BRINP3: variants seen among roughly 807,000 people sequenced by gnomAD.
The protein encoded by BRINP3 is BMP/retinoic acid-inducible neural-specific protein 3.
Under a neutral mutation model 71.0 loss-of-function variants are expected in BRINP3, and 19 were observed. The ratio of observed to expected loss-of-function variants is 0.27; its 90% confidence interval spans 0.19 to 0.39. The LOEUF (loss-of-function observed/expected upper bound fraction) is 0.39. Among genes scored for constraint, BRINP3 ranks in the 10% least tolerant of loss-of-function variants. The probability of loss-of-function intolerance (pLI) is 1.00; values close to 1 mark genes in which losing one functional copy is unlikely to be tolerated. For synonymous variants in BRINP3, 380 were observed against 337.7 expected, an observed-to-expected ratio of 1.13 and a Z score of -1.37; for missense variants, 959 against 940.8, an observed-to-expected ratio of 1.02 and a Z score of -0.25.
At chr1:190,447,297 T>C (rs925048616) in intron 2 of BRINP3, among the ~76,000 whole-genome samples, 5 of 86,710 alleles carry the variant, frequency 5.8e-5, no homozygotes, top group African/African-American at 1.7e-4. Flanking sequence ...TAGTGTAAAA[T>C]AGTATATATA....
At chr1:190,270,108 A>C (rs1270615108) in intron 3 of BRINP3, among the ~76,000 whole-genome samples, 13 of 151,966 alleles carry the variant, frequency 8.6e-5, no homozygotes, top group Admixed American at 8.5e-4. Context: ...TTATAAGAAA[A>C]GGGTAGATAC....
At chr1:190,474,982 T>C (rs990295976) in intron 1 of BRINP3, among the ~76,000 whole-genome samples, 6 of 151,832 alleles carry the variant, frequency 4.0e-5, no homozygotes, top group Non-Finnish European at 8.8e-5. Context: ...AAAGTGGGTA[T>C]AATATAAGCT....
chr1:190,197,222 C>T (rs148163193), intron 6 of BRINP3, among the ~76,000 whole-genome samples: 71 of 152,112 alleles, frequency 4.7e-4, no homozygotes, highest in African/African-American at 1.7e-3. Context: ...TGGGTCCCTC[C>T]CATGACATGT....
At chr1:190,178,795 T>C (rs1652783352) in intron 6 of BRINP3, among the ~76,000 whole-genome samples, 1 of 151,958 alleles carries the variant, frequency 6.6e-6, no homozygotes, top group African/African-American at 2.4e-5. Context: ...ATTGGGTGAG[T>C]TAAATGATAA....
At chr1:190,445,427 A>T (rs981991772) in intron 2 of BRINP3, among the ~76,000 whole-genome samples, 1 of 152,192 alleles carries the variant, frequency 6.6e-6, no homozygotes, top group Non-Finnish European at 1.5e-5. Flanking sequence ...TTTTATTTTT[A>T]TATAAAAGCA....
chr1:190,278,329 A>G (rs1197438363), intron 3 of BRINP3, among the ~76,000 whole-genome samples: 2 of 151,582 alleles, frequency 1.3e-5, no homozygotes, highest in East Asian at 3.9e-4. Flanking sequence ...TAATTAAGAG[A>G]AAGAAGTGGA....
At position 190,307,267 on chromosome 1, in the gene BRINP3, T is replaced by TG. The variant is rs1208107071; in HGVS notation, c.237-25518_237-25517insC. ...CCTCATTTAAAACATTGTTTTTTTTTTTTTTTTTTTTTTTTTTTTGAGACA... is the reference window on the plus strand; with the variant it reads ...CCTCATTTAAAACATTGTTTTTTTTTGTTTTTTTTTTTTTTTTTTTGAGACA... On this transcript the variant is annotated intron_variant, in intron 2 of 7. Coordinates refer to ENST00000367462, the MANE Select transcript of BRINP3 (RefSeq NM_199051.3). Among the ~76,000 whole-genome samples the TG allele has an allele frequency of 1.8e-4, 22 of 122,216 alleles. No individual in the cohort carries two copies. In the East Asian group the frequency reaches 2.6e-3, roughly 14 times the overall value. 80.2% of individuals were successfully genotyped at this position (122,216 alleles called of 152,430 possible). A position where few individuals can be genotyped will look rare whatever the true frequency, so the allele number is the denominator to read the frequency against.
chr1:190,410,173 G>C (rs914318101), intron 2 of BRINP3, among the ~76,000 whole-genome samples: 2 of 151,996 alleles, frequency 1.3e-5, no homozygotes, highest in Non-Finnish European at 2.9e-5. Flanking sequence ...GGTTACTAGT[G>C]GGGGAAATGG....
chr1:190,115,696 G>A (rs2102298481), intron 7 of BRINP3, among the ~76,000 whole-genome samples: 1 of 152,208 alleles, frequency 6.6e-6, no homozygotes, highest in Middle Eastern at 3.4e-3. Flanking sequence ...ATATGGAGAA[G>A]TTCTAAAACT....
intron 2 of BRINP3, among the ~76,000 whole-genome samples, chr1:190,430,266 G>A (rs918753951): frequency 5.3e-5 from 8 of 152,200 alleles, no homozygotes; most frequent in Non-Finnish European, 7.3e-5. Flanking sequence ...AAATTTGAGA[G>A]GGAGAGGGAG....
At chr1:190,148,894 T>TA (rs773976357) in intron 7 of BRINP3, among the ~76,000 whole-genome samples, 10 of 152,152 alleles carry the variant, frequency 6.6e-5, no homozygotes, top group Non-Finnish European at 1.5e-4. Context: ...ACACCTTCTT[T>TA]AACAAACATG....
At chr1:190,293,837 C>T (rs971144764) in intron 2 of BRINP3, among the ~76,000 whole-genome samples, 5 of 152,082 alleles carry the variant, frequency 3.3e-5, no homozygotes, top group African/African-American at 9.7e-5. Flanking sequence ...AGCATAGCTA[C>T]TCCTGCTCTT....
At chr1:190,260,174 A>T (rs1661059718) in intron 4 of BRINP3, among the ~76,000 whole-genome samples, 1 of 152,130 alleles carries the variant, frequency 6.6e-6, no homozygotes, top group African/African-American at 2.4e-5. Context: ...TATTAGGTCA[A>T]TGAGCACAAA....
At chr1:190,441,191 A>T (rs2102557278) in intron 2 of BRINP3, among the ~76,000 whole-genome samples, 1 of 152,076 alleles carries the variant, frequency 6.6e-6, no homozygotes, top group Non-Finnish European at 1.5e-5. Context: ...CTGTATCTGA[A>T]GCCCCTGAAG....
At chr1:190,126,805 C>T (rs922219665) in intron 7 of BRINP3, among the ~76,000 whole-genome samples, 3 of 151,768 alleles carry the variant, frequency 2.0e-5, no homozygotes, top group South Asian at 2.1e-4. Context: ...TGTTGATTGT[C>T]GATTGTTTTC....
At chr1:190,176,615 A>G (rs1571914608) in intron 6 of BRINP3, among the ~76,000 whole-genome samples, 1 of 152,154 alleles carries the variant, frequency 6.6e-6, no homozygotes, top group South Asian at 2.1e-4. Context: ...GCCCTTTACT[A>G]ATAACCCCAC....
chr1:190,299,754 A>C (rs1664533475), intron 2 of BRINP3, among the ~76,000 whole-genome samples: 1 of 151,922 alleles, frequency 6.6e-6, no homozygotes, highest in Non-Finnish European at 1.5e-5. Context: ...TGGTGGTGAC[A>C]AATTCTCTCA....
At chr1:190,237,323 G>A (rs1658618222) in intron 4 of BRINP3, among the ~76,000 whole-genome samples, 1 of 151,084 alleles carries the variant, frequency 6.6e-6, no homozygotes, top group South Asian at 2.1e-4. Context: ...TTCCATTTAA[G>A]GCCTCCATAT....
intron 4 of BRINP3, among the ~76,000 whole-genome samples, chr1:190,257,068 A>C (rs1660728471): frequency 6.6e-6 from 1 of 152,212 alleles, no homozygotes; most frequent in Non-Finnish European, 1.5e-5. Flanking sequence ...CCTGGATGAT[A>C]TCCTGAAGAG....
Sources: gnomAD v4.1 joint callset for allele counts (sites outside exome capture counted in the v4.1 genomes callset) on GRCh38, gnomAD v4.1.1 for gene constraint, MANE v1.5 for transcripts, NCBI Gene and HGNC (gene_info 2026-07-23, HGNC 2026-07-21) for gene names.